The following IARS2 variants were observed in gnomAD, a reference collection of about 807,000 sequenced individuals.
IARS2 encodes isoleucyl-tRNA synthetase 2, mitochondrial.
A neutral mutation model predicts 126.3 loss-of-function variants in IARS2; 56 were observed. The observed-to-expected ratio is 0.44, with a 90% confidence interval of 0.36 to 0.55. The LOEUF (loss-of-function observed/expected upper bound fraction) is 0.55. Ranked by LOEUF, IARS2 falls within the 20% of genes least tolerant of loss-of-function variation. The pLI is 0.00. For synonymous variants in IARS2, 407 were observed against 441.1 expected (o/e 0.92, Z 0.97); for missense variants, 1,127 against 1,245.9 (o/e 0.90, Z 1.44).
intron 12 of IARS2, among the ~76,000 whole-genome samples, chr1:220,119,157 G>A (rs1485764097): frequency 6.6e-6 from 1 of 152,006 alleles, no homozygotes; most frequent in Admixed American, 6.6e-5. Flanking sequence ...GCCTCATTCC[G>A]GTTGATATCG....
At chr1:220,144,107 G>A (rs775689298) in intron 21 of IARS2, 71 of 920,746 alleles carry the variant, frequency 7.7e-5, no homozygotes, top group Non-Finnish European at 1.2e-4. Flanking sequence ...TCTTTGCTTT[G>A]CACATCAAAT....
intron 10 of IARS2, among the ~76,000 whole-genome samples, chr1:220,109,244 C>A (rs991926519): frequency 6.6e-6 from 1 of 151,804 alleles, no homozygotes; most frequent in Non-Finnish European, 1.5e-5. Flanking sequence ...ACTAAAAATA[C>A]AAAAAATTAG....
intron 10 of IARS2, among the ~76,000 whole-genome samples, chr1:220,108,464 G>A (rs144076502): frequency 0.018 from 2,730 of 151,894 alleles, 42 homozygotes; most frequent in South Asian, 0.094. Context: ...TTGGCTCACT[G>A]CAAGCTCTGC....
intron 12 of IARS2, among the ~76,000 whole-genome samples, chr1:220,123,086 T>C (rs1657080280): frequency 6.6e-6 from 1 of 151,886 alleles, no homozygotes; most frequent in African/African-American, 2.4e-5. Flanking sequence ...GTTGTAATCT[T>C]TTTGTTTTTT....
intron 16 of IARS2, chr1:220,137,691 C>T: frequency 2.1e-6 from 1 of 474,912 alleles, no homozygotes; most frequent in African/African-American, 1.9e-5. Context: ...TAGGTATGAG[C>T]ATTTGTGCAT....
At chr1:220,130,103 A>G (rs568517519) in intron 14 of IARS2, among the ~76,000 whole-genome samples, 1 of 152,126 alleles carries the variant, frequency 6.6e-6, no homozygotes, top group Non-Finnish European at 1.5e-5. Context: ...CACTTCCCTG[A>G]TGATTAGTGA....
chr1:220,096,657 ATT>A (rs992192710), intron 2 of IARS2, among the ~76,000 whole-genome samples: 2 of 152,102 alleles, frequency 1.3e-5, no homozygotes, highest in Non-Finnish European at 2.9e-5. Flanking sequence ...TCAGTTCTTT[ATT>A]TTTTGTAGAT....
chr1:220,095,955 A>C, intron 1 of IARS2, 149 bp from the exon 2 acceptor site: 1 of 542,272 alleles, frequency 1.8e-6, no homozygotes. Context: ...CAGAAACCTC[A>C]CCTTGTATTT....
At chr1:220,142,565 A>G (rs1177481680) in intron 20 of IARS2, among the ~76,000 whole-genome samples, 1 of 152,168 alleles carries the variant, frequency 6.6e-6, no homozygotes, top group African/African-American at 2.4e-5. Flanking sequence ...AGTGAGTTTT[A>G]TGTTAGTTGT....
chr1:220,101,474 T>A (rs984633141), intron 3 of IARS2, among the ~76,000 whole-genome samples: 2 of 151,892 alleles, frequency 1.3e-5, no homozygotes, highest in Non-Finnish European at 2.9e-5. Flanking sequence ...GGGAGGTGGA[T>A]CGATCACCTA....
At chr1:220,144,274 A>C (rs912542972) in intron 21 of IARS2, 1 of 763,508 alleles carries the variant, frequency 1.3e-6, no homozygotes, top group Non-Finnish European at 2.4e-6. Context: ...CGGCCTAATA[A>C]GCACCTGGCT....
intron 12 of IARS2, among the ~76,000 whole-genome samples, chr1:220,116,034 C>A (rs1656906203): frequency 1.3e-5 from 2 of 152,040 alleles, no homozygotes; most frequent in African/African-American, 4.8e-5. Context: ...TACAGTGAGA[C>A]CCCATCTCTA....
chr1:220,131,942 C>T (rs1371105036), intron 14 of IARS2, among the ~76,000 whole-genome samples: 1 of 151,880 alleles, frequency 6.6e-6, no homozygotes, highest in African/African-American at 2.4e-5. Context: ...CGACTACAGG[C>T]ATCCACCACC....
At chr1:220,117,911 A>T (rs774192897) in intron 12 of IARS2, 7 of 523,884 alleles carry the variant, frequency 1.3e-5, no homozygotes. Context: ...AAACTCAGCT[A>T]TATTGTCTGT....
chr1:220,100,897 A>G (rs1404360976), intron 3 of IARS2, among the ~76,000 whole-genome samples: 1 of 152,182 alleles, frequency 6.6e-6, no homozygotes, highest in Non-Finnish European at 1.5e-5. Flanking sequence ...CTTAATGTTC[A>G]TATTTTAAAA....
intron 1 of IARS2, among the ~76,000 whole-genome samples, 178 bp from the exon 2 acceptor site, chr1:220,095,926 C>T (rs1656428721): frequency 6.6e-6 from 1 of 152,018 alleles, no homozygotes; most frequent in African/African-American, 2.4e-5. Context: ...TTAAGAGATG[C>T]GTACTTTGAC....
intron 22 of IARS2, among the ~76,000 whole-genome samples, chr1:220,146,396 T>C (rs1391245544): frequency 3.3e-5 from 5 of 151,490 alleles, no homozygotes; most frequent in African/African-American, 1.2e-4. Flanking sequence ...CGTGTGCCTG[T>C]AGTCCCATCT....
intron 14 of IARS2, among the ~76,000 whole-genome samples, chr1:220,131,573 A>T (rs1246046063): frequency 6.6e-6 from 1 of 151,998 alleles, no homozygotes; most frequent in Middle Eastern, 3.2e-3. Context: ...CTGGACTCAG[A>T]ACTCCCCACC....
chr1:220,123,720 G>A (rs1251332), intron 12 of IARS2, among the ~76,000 whole-genome samples: 6,384 of 151,998 alleles, frequency 0.042, 437 homozygotes, highest in African/African-American at 0.14. Context: ...CTCGTGATCC[G>A]CCCGCCTCAG....
Sources: allele counts gnomAD v4.1 joint callset (sites outside exome capture counted in the v4.1 genomes callset), GRCh38; gene constraint gnomAD v4.1.1; transcripts MANE v1.5; gene names NCBI Gene and HGNC (gene_info 2026-07-23, HGNC 2026-07-21).